Variants in NKAIN2 observed in about 807,000 individuals in gnomAD.
NKAIN2 encodes sodium/potassium transporting ATPase interacting 2, also known as sodium/potassium-transporting ATPase subunit beta-1-interacting protein 2.
A neutral mutation model predicts 32.6 loss-of-function variants in NKAIN2; 14 were observed. That is an observed-to-expected ratio of 0.43 (90% CI 0.28 to 0.67). The LOEUF (loss-of-function observed/expected upper bound fraction) is 0.67. Among genes scored for constraint, NKAIN2 ranks in the 30% least tolerant of loss-of-function variants. The pLI, the probability that NKAIN2 is intolerant of heterozygous loss-of-function variation, is 0.17. For synonymous variants in NKAIN2, 80 were observed against 87.2 expected (o/e 0.92, Z 0.46); for missense variants, 198 against 258.3 (o/e 0.77, Z 1.60).
rs1000230222 is a variant in NKAIN2 at position 123,991,894 on chromosome 6, A to G, written c.54+187640A>G. 2.6e-5 allele frequency among the ~76,000 whole-genome samples: 4 copies of G among 151,970 alleles called. No individual in the cohort carries two copies. The South Asian group carries it at 8.3e-4, about 32-fold the overall frequency. On this transcript the variant is annotated intron_variant, in intron 1 of 6. Coordinates refer to ENST00000368417, the MANE Select transcript of NKAIN2 (RefSeq NM_001040214.3). ...TGTGTGTGTGTATATATATACATATATATATTTTAAGGACATTAAAAAAAT... is the reference window on the plus strand; with the variant it reads ...TGTGTGTGTGTATATATATACATATGTATATTTTAAGGACATTAAAAAAAT...
rs536416286 is a variant in NKAIN2 at position 124,099,198 on chromosome 6, G to T, written c.55-183807G>T. ...TATGGTTATAGGAATAAGATAATTG[G>T]TTGATTATCTAATATATGGCATGCC... is the stretch of plus-strand genomic sequence containing the variant. On this transcript the variant is annotated intron_variant, in intron 1 of 6. Transcript: ENST00000368417. Among the ~76,000 whole-genome samples the T allele has an allele frequency of 1.1e-4, 17 of 152,258 alleles. No individual in the cohort carries two copies. In the South Asian group the frequency reaches 3.1e-3, roughly 28 times the overall value.
At chr6:124,145,839 G>T (rs936260559) in intron 1 of NKAIN2, among the ~76,000 whole-genome samples, 21 of 152,212 alleles carry the variant, frequency 1.4e-4, no homozygotes, top group Non-Finnish European at 2.8e-4. Flanking sequence ...CACATTACTG[G>T]AACTAGTAGT....
chr6:123,947,161 G>C lies in NKAIN2; in HGVS notation c.54+142907G>C, dbSNP rs539936859. On this transcript the variant is annotated intron_variant, in intron 1 of 6. Transcript: ENST00000368417. ...CAATTGATGTGAAAAAAGATAAATG[G>C]CTGCATAATGCAGTTATTCTAGCCC... Among the ~76,000 whole-genome samples the C allele has an allele frequency of 1.7e-3, 258 of 152,248 alleles. 2 individuals carry two copies. Among genetic ancestry groups the C allele is most frequent in the African/African-American group, 6.0e-3 (251 of 41,550 alleles).
At chr6:124,689,366 T>C (rs761585523) in intron 4 of NKAIN2, among the ~76,000 whole-genome samples, 1 of 152,134 alleles carries the variant, frequency 6.6e-6, no homozygotes, top group Non-Finnish European at 1.5e-5. Context: ...CAGTCCTTTA[T>C]CATATATGTT....
chr6:124,337,316 G>A (rs764562606), intron 2 of NKAIN2, among the ~76,000 whole-genome samples: 6 of 152,098 alleles, frequency 3.9e-5, no homozygotes, highest in Admixed American at 1.3e-4. Flanking sequence ...GGATAAGATG[G>A]CAAGACCCTG....
chr6:124,775,336 G>T (rs1186070114), intron 4 of NKAIN2, among the ~76,000 whole-genome samples: 1 of 152,056 alleles, frequency 6.6e-6, no homozygotes, highest in Non-Finnish European at 1.5e-5. Context: ...AGCTTTCTTG[G>T]GATGAAGCCA....
At chr6:124,038,236 G>T (rs1781694547) in intron 1 of NKAIN2, among the ~76,000 whole-genome samples, 1 of 151,908 alleles carries the variant, frequency 6.6e-6, no homozygotes, top group African/African-American at 2.4e-5. Context: ...TTCAACTGAT[G>T]TGAAAAGTTT....
At chr6:124,571,643 C>T (rs1781131617) in intron 3 of NKAIN2, among the ~76,000 whole-genome samples, 1 of 152,176 alleles carries the variant, frequency 6.6e-6, no homozygotes, top group South Asian at 2.1e-4. Flanking sequence ...CCAGTTAACC[C>T]TCTTTTTCTT....
intron 1 of NKAIN2, among the ~76,000 whole-genome samples, chr6:124,236,596 T>C (rs1187205290): frequency 6.6e-6 from 1 of 152,156 alleles, no homozygotes; most frequent in Non-Finnish European, 1.5e-5. Context: ...AGTTAAACTA[T>C]GTGTCAATGT....
At chr6:124,491,567 A>T (rs1409822554) in intron 3 of NKAIN2, among the ~76,000 whole-genome samples, 1 of 151,870 alleles carries the variant, frequency 6.6e-6, no homozygotes, top group Non-Finnish European at 1.5e-5. Context: ...AGGCTCTTAA[A>T]AGTATGTATG....
intron 1 of NKAIN2, among the ~76,000 whole-genome samples, chr6:123,926,220 T>G (rs933317743): frequency 4.6e-5 from 7 of 152,160 alleles, no homozygotes; most frequent in African/African-American, 1.7e-4. Flanking sequence ...TCTCTCTGCT[T>G]TTTGCTCTGT....
At position 124,147,357 on chromosome 6, in the gene NKAIN2, G is replaced by C. The variant is rs72976451; in HGVS notation, c.55-135648G>C. On this transcript the variant is annotated intron_variant, in intron 1 of 6. Coordinates refer to ENST00000368417, the MANE Select transcript of NKAIN2 (RefSeq NM_001040214.3). ...TGCTGCAGTTTTGCTCTTGACCCGTGGTTGTTAAGGATCATTTCTAGAGAA... is the reference window on the plus strand; with the variant it reads ...TGCTGCAGTTTTGCTCTTGACCCGTCGTTGTTAAGGATCATTTCTAGAGAA... 2.7e-3 allele frequency among the ~76,000 whole-genome samples: 408 copies of C among 152,086 alleles called. 1 individual carries two copies. Among genetic ancestry groups the C allele is most frequent in the Non-Finnish European group, 4.0e-3 (271 of 67,984 alleles).
chr6:124,449,209 A>C (rs1388221649), intron 3 of NKAIN2, among the ~76,000 whole-genome samples: 1 of 152,144 alleles, frequency 6.6e-6, no homozygotes, highest in African/African-American at 2.4e-5. Context: ...TAATGTAGTT[A>C]TCTACCTAAG....
At chr6:124,790,933 G>A (rs1205513662) in intron 4 of NKAIN2, among the ~76,000 whole-genome samples, 3 of 152,140 alleles carry the variant, frequency 2.0e-5, no homozygotes, top group East Asian at 1.9e-4. Flanking sequence ...CCCTCAAAGC[G>A]TTTTTCTGAC....
chr6:124,282,679 G>T (rs545194815), intron 1 of NKAIN2, among the ~76,000 whole-genome samples: 1 of 152,134 alleles, frequency 6.6e-6, no homozygotes, highest in African/African-American at 2.4e-5. Flanking sequence ...TCCCTGACTT[G>T]CTGGTTGATG....
chr6:124,255,565 A>G (rs530821663), intron 1 of NKAIN2, among the ~76,000 whole-genome samples: 2 of 152,328 alleles, frequency 1.3e-5, no homozygotes, highest in South Asian at 4.1e-4. Context: ...TTCAACAGCC[A>G]TGGAGCAATA....
chr6:123,918,589 C>T (rs566504053), intron 1 of NKAIN2, among the ~76,000 whole-genome samples: 2 of 152,222 alleles, frequency 1.3e-5, no homozygotes, highest in South Asian at 4.2e-4. Context: ...TTTGAGCAGA[C>T]ATTATTCTAG....
chr6:124,481,446 A>G (rs1481084747), intron 3 of NKAIN2, among the ~76,000 whole-genome samples: 1 of 152,066 alleles, frequency 6.6e-6, no homozygotes, highest in Non-Finnish European at 1.5e-5. Flanking sequence ...GAATAGTCTA[A>G]GAGTAGTTAA....
chr6:124,679,192 C>T (rs1773504012), intron 4 of NKAIN2, among the ~76,000 whole-genome samples: 1 of 152,140 alleles, frequency 6.6e-6, no homozygotes, highest in South Asian at 2.1e-4. Flanking sequence ...TCAACTCTTT[C>T]CCTCCCCTGG....
Sources: allele counts gnomAD v4.1 joint callset (sites outside exome capture counted in the v4.1 genomes callset), GRCh38; gene constraint gnomAD v4.1.1; transcripts MANE v1.5; gene names NCBI Gene and HGNC (gene_info 2026-07-23, HGNC 2026-07-21).